Variants in ANO10 observed in about 807,000 individuals in gnomAD.
The protein encoded by ANO10 is anoctamin-10.
A neutral mutation model predicts 74.7 loss-of-function variants in ANO10; 77 were observed. That is an observed-to-expected ratio of 1.03 (90% CI 0.86 to 1.25). ANO10 has a LOEUF of 1.25. ANO10 is among the 50% of genes most tolerant of loss of function. ANO10 has a pLI of 0.00. For missense variants in ANO10, 721 were observed against 778.1 expected, an observed-to-expected ratio of 0.93 and a Z score of 0.87; for synonymous variants, 279 against 284.9, an observed-to-expected ratio of 0.98 and a Z score of 0.21.
intron 11 of ANO10, chr3:43,472,332 A>G (rs2075889610): frequency 6.6e-6 from 1 of 152,176 alleles, no homozygotes; most frequent in African/African-American, 2.4e-5. Context: ...AAAAACACAC[A>G]GGTCTTTACA....
At chr3:43,681,843 G>A (rs1055621316) in intron 1 of ANO10, among the ~76,000 whole-genome samples, 8 of 152,132 alleles carry the variant, frequency 5.3e-5, no homozygotes, top group Admixed American at 3.9e-4. Flanking sequence ...GGTACATAAC[G>A]AAATGAAGGC....
At chr3:43,571,130 AT>A (rs2080688359) in intron 7 of ANO10, among the ~76,000 whole-genome samples, 1 of 150,232 alleles carries the variant, frequency 6.7e-6, no homozygotes, top group Admixed American at 6.6e-5. Context: ...CAAAACCACA[AT>A]GAGATACCAT....
intron 5 of ANO10, among the ~76,000 whole-genome samples, chr3:43,577,695 C>T (rs185944671): frequency 1.5e-3 from 232 of 152,280 alleles, no homozygotes; most frequent in Middle Eastern, 3.4e-3. Flanking sequence ...GACGAAGACT[C>T]CCCATCCACA....
chr3:43,501,631 T>C, intron 11 of ANO10, among the ~76,000 whole-genome samples: 1 of 152,182 alleles, frequency 6.6e-6, no homozygotes, highest in East Asian at 1.9e-4. Context: ...CTGGATGCAA[T>C]GAAGACTAAG....
chr3:43,376,571 T>C (rs920659258), intron 12 of ANO10, among the ~76,000 whole-genome samples: 1 of 152,222 alleles, frequency 6.6e-6, no homozygotes, highest in South Asian at 2.1e-4. Context: ...TATGGCAACA[T>C]AGGTAAGAGG....
intron 12 of ANO10, among the ~76,000 whole-genome samples, chr3:43,381,380 C>G (rs1344226988): frequency 6.6e-6 from 1 of 152,050 alleles, no homozygotes; most frequent in Non-Finnish European, 1.5e-5. Flanking sequence ...AAAAGATATT[C>G]CATGAAAATG....
upstream of ANO10, among the ~76,000 whole-genome samples, chr3:43,626,643 T>C (rs1376565754): frequency 6.6e-6 from 1 of 152,208 alleles, no homozygotes; most frequent in Non-Finnish European, 1.5e-5. Context: ...GAATTTATTT[T>C]GATTTGAGGT....
In ANO10 at chr3:43,510,322, T is replaced by C. The variant is rs369717985; in HGVS notation, c.1797+39398A>G. 2.8e-4 allele frequency among the ~76,000 whole-genome samples: 42 copies of C among 150,376 alleles called. No individual in the cohort carries two copies. In the East Asian group the frequency reaches 4.5e-3, roughly 16 times the overall value. On this transcript the variant is annotated intron_variant, in intron 11 of 12. Transcript: ENST00000292246. ...GATGCATGCCTGTAATCCTGCCTAC[T>C]GGGGAGGCTGAGGGAGGAGAATTGC...
intron 11 of ANO10, among the ~76,000 whole-genome samples, chr3:43,498,685 G>A (rs2149139076): frequency 6.6e-6 from 1 of 152,284 alleles, no homozygotes; most frequent in African/African-American, 2.4e-5. Flanking sequence ...ATTTACTGAT[G>A]CTGTCCTTTG....
At chr3:43,656,976 C>A (rs552158485) in intron 1 of ANO10, among the ~76,000 whole-genome samples, 1 of 152,242 alleles carries the variant, frequency 6.6e-6, no homozygotes, top group East Asian at 1.9e-4. Context: ...ACTGCCAGCA[C>A]GCTGTCACCT....
Position 43,594,733 on chromosome 3 carries a change from G to C in ANO10, c.472+3799C>G, listed in dbSNP as rs535590892. 7.6e-4 allele frequency among the ~76,000 whole-genome samples: 115 copies of C among 152,278 alleles called. 1 individual carries two copies. Among genetic ancestry groups the C allele is most frequent in the African/African-American group, 2.7e-3 (111 of 41,552 alleles). On this transcript the variant is annotated intron_variant, in intron 4 of 12. Transcript: ENST00000292246. The stretch of plus-strand genomic sequence containing the variant: ...GAAGCAAGAGCAAACACATGCAAAA[G>C]CTAGCAGAAGGCAAGAAATAACTAA...
intron 1 of ANO10, among the ~76,000 whole-genome samples, chr3:43,665,359 C>A (rs1458832218): frequency 6.6e-6 from 1 of 152,080 alleles, no homozygotes; most frequent in Non-Finnish European, 1.5e-5. Flanking sequence ...GAACATCACA[C>A]ACCAGGGCCT....
intron 11 of ANO10, among the ~76,000 whole-genome samples, chr3:43,449,503 CCTAT>C (rs1473224786): frequency 1.4e-5 from 2 of 144,550 alleles, no homozygotes; most frequent in Non-Finnish European, 1.5e-5. Context: ...GTATAAGGTC[CCTAT>C]CTAGATTCTT....
chr3:43,641,482 C>CCAAGCAAAGGCCTTT (rs2083669572), intron 1 of ANO10, among the ~76,000 whole-genome samples: 1 of 152,164 alleles, frequency 6.6e-6, no homozygotes, highest in African/African-American at 2.4e-5. Flanking sequence ...TTCCCAACTC[C>CCAAGCAAAGGCCTTT]CAAGCAAAGG....
intron 1 of ANO10, among the ~76,000 whole-genome samples, chr3:43,657,264 C>G (rs1017385994): frequency 6.6e-6 from 1 of 152,198 alleles, no homozygotes; most frequent in Non-Finnish European, 1.5e-5. Context: ...CAACAACCTA[C>G]TAGTCTGAAG....
At chr3:43,611,462 A>G (rs1236482199) in intron 1 of ANO10, among the ~76,000 whole-genome samples, 1 of 152,212 alleles carries the variant, frequency 6.6e-6, no homozygotes, top group Non-Finnish European at 1.5e-5. Context: ...AGTGATTTGG[A>G]CTTTGGTTAA....
At position 43,485,151 on chromosome 3, in the gene ANO10, G is replaced by A. The variant is rs896777544; in HGVS notation, c.1798-52424C>T. The stretch of plus-strand genomic sequence containing the variant: ...TGGTGGAGTGATCTGGATGGAGTGG[G>A]CCCTGGCGCGGTAGCACTGGGTGAC... On this transcript the variant is annotated intron_variant, in intron 11 of 12. Transcript: ENST00000292246. The A allele has an allele frequency of 7.8e-5, 60 of 770,732 alleles. 1 individual carries two copies. Among genetic ancestry groups the A allele is most frequent in the Non-Finnish European group, 1.3e-4 (58 of 444,088 alleles). The allele number at this position is 770,732 out of a possible 1,614,324, so 47.7% of individuals were successfully genotyped here.
At chr3:43,475,267 C>T (rs569877625) in intron 11 of ANO10, among the ~76,000 whole-genome samples, 1 of 152,250 alleles carries the variant, frequency 6.6e-6, no homozygotes, top group South Asian at 2.1e-4. Flanking sequence ...GGTCTTGAAC[C>T]TTACACACAA....
chr3:43,662,479 C>A (rs544177413), intron 1 of ANO10, among the ~76,000 whole-genome samples: 1 of 152,150 alleles, frequency 6.6e-6, no homozygotes, highest in Non-Finnish European at 1.5e-5. Flanking sequence ...AATCAACACC[C>A]TAACATCACA....
Sources: allele counts gnomAD v4.1 joint callset (sites outside exome capture counted in the v4.1 genomes callset), GRCh38; gene constraint gnomAD v4.1.1; transcripts MANE v1.5; gene names NCBI Gene and HGNC (gene_info 2026-07-23, HGNC 2026-07-21).